The following R3HDM1 variants were observed in gnomAD, a reference collection of about 807,000 sequenced individuals.
R3HDM1 encodes R3H domain-containing protein 1.
Under a neutral mutation model 141.1 loss-of-function variants are expected in R3HDM1, and 46 were observed. That is an observed-to-expected ratio of 0.33 (90% CI 0.26 to 0.42). The LOEUF (loss-of-function observed/expected upper bound fraction) is 0.42, where lower values mean the gene tolerates loss of function less well. R3HDM1 is among the 10% of genes least tolerant of loss of function. The pLI, the probability that R3HDM1 is intolerant of heterozygous loss-of-function variation, is 1.00. For synonymous variants in R3HDM1, 435 were observed against 472.9 expected, an observed-to-expected ratio of 0.92 and a Z score of 1.04; for missense variants, 1,184 against 1,368.3, an observed-to-expected ratio of 0.87 and a Z score of 2.12.
intron 1 of R3HDM1, chr2:135,584,310 A>G: frequency 1.2e-6 from 1 of 820,432 alleles, no homozygotes; most frequent in Non-Finnish European, 1.5e-6. Flanking sequence ...CCTGGGTGAC[A>G]GAACGAGATT....
rs147602127 is a variant in R3HDM1, at chr2:135,620,378, A to G, written c.304-1116A>G. 1.9e-3 allele frequency: 1,571 copies of G among 841,756 alleles called. 3 individuals are homozygous for G. Among genetic ancestry groups the G allele is most frequent in the Non-Finnish European group, 1.8e-3 (1,280 of 699,196 alleles). 52.1% of individuals were successfully genotyped at this position (841,756 alleles called of 1,614,324 possible). A position where few individuals can be genotyped will look rare whatever the true frequency, so the allele number is the denominator to read the frequency against. On this transcript the variant is annotated intron_variant, in intron 5 of 26. Coordinates refer to ENST00000683871, the MANE Select transcript of R3HDM1 (RefSeq NM_001378107.1). ...GGGTTGGAAAATGAATCACAATAAG[A>G]AAAATTACTTACTGGTTGATGAGTG...
chr2:135,558,314 C>T (rs1701156737), intron 1 of R3HDM1, among the ~76,000 whole-genome samples: 1 of 152,144 alleles, frequency 6.6e-6, no homozygotes, highest in Non-Finnish European at 1.5e-5. Flanking sequence ...TAGTACTGAA[C>T]AGCTGTATGT....
At chr2:135,722,438 C>T (rs765553093) in intron 25 of R3HDM1, 31 bp from the exon 26 acceptor site, 24 of 1,606,176 alleles carry the variant, frequency 1.5e-5, no homozygotes, top group African/African-American at 6.7e-5. Context: ...GCATTATTAA[C>T]GTTGTTTCTC....
In R3HDM1 at chr2:135,620,620, G is replaced by C. The variant is rs1200059728; in HGVS notation, c.304-874G>C. ...TACGTGTCTGATTGATGGTTTTCTT[G>C]ACTATAGAACAACAGTATAATTTAG... is the stretch of plus-strand genomic sequence containing the variant. On this transcript the variant is annotated intron_variant, in intron 5 of 26. Coordinates refer to ENST00000683871, the MANE Select transcript of R3HDM1 (RefSeq NM_001378107.1). 4.1e-6 allele frequency: 4 copies of C among 980,244 alleles called. No individual in the cohort carries two copies. In the African/African-American group the frequency reaches 7.0e-5, roughly 17 times the overall value. 60.7% of individuals were successfully genotyped at this position (980,244 alleles called of 1,614,324 possible). A position where few individuals can be genotyped will look rare whatever the true frequency, so the allele number is the denominator to read the frequency against.
At chr2:135,573,781 TC>T (rs1407907690) in intron 1 of R3HDM1, among the ~76,000 whole-genome samples, 2 of 151,844 alleles carry the variant, frequency 1.3e-5, no homozygotes, top group Non-Finnish European at 1.5e-5. Flanking sequence ...AGCCAACTGT[TC>T]CCCCCACAAC....
At position 135,661,538 on chromosome 2, in the gene R3HDM1, A is replaced by G. The variant is rs558659773; in HGVS notation, c.2152+145A>G. ...ATGAGTTTGCAAACCAATGAGATTA[A>G]AAGAGTGAGCAAATCTTAGCATCCT... On this transcript the variant is annotated intron_variant, in intron 19 of 26. Coordinates refer to ENST00000683871, the MANE Select transcript of R3HDM1 (RefSeq NM_001378107.1). 8.8e-5 allele frequency: 92 copies of G among 1,050,494 alleles called. No individual in the cohort carries two copies. In the East Asian group the frequency reaches 2.1e-3, roughly 24 times the overall value. 65.1% of individuals were successfully genotyped at this position (1,050,494 alleles called of 1,614,324 possible).
At chr2:135,643,689 T>C (rs1574633003) in intron 15 of R3HDM1, among the ~76,000 whole-genome samples, 1 of 152,168 alleles carries the variant, frequency 6.6e-6, no homozygotes, top group African/African-American at 2.4e-5. Context: ...AATTCCACAA[T>C]AGCAAAGACA....
chr2:135,680,096 A>G (rs2105353196), intron 20 of R3HDM1, 77 bp from the exon 21 acceptor site: 1 of 1,411,732 alleles, frequency 7.1e-7, no homozygotes, highest in East Asian at 2.3e-5. Flanking sequence ...AATAAAGTTT[A>G]TGGAGGTTGA....
intron 1 of R3HDM1, among the ~76,000 whole-genome samples, chr2:135,597,962 T>TAAGTG (rs1234990207): frequency 6.6e-6 from 1 of 152,202 alleles, no homozygotes; most frequent in Non-Finnish European, 1.5e-5. Flanking sequence ...CCAAGTATAA[T>TAAGTG]AAGTGATATT....
intron 5 of R3HDM1, among the ~76,000 whole-genome samples, chr2:135,621,276 T>C (rs2061490201): frequency 6.6e-6 from 1 of 152,066 alleles, no homozygotes; most frequent in Admixed American, 6.5e-5. Context: ...TTGTTTTAAT[T>C]GATATATTCA....
intron 1 of R3HDM1, among the ~76,000 whole-genome samples, chr2:135,538,922 TTTGTTG>T (rs142600652): frequency 1.4e-4 from 22 of 151,744 alleles, no homozygotes; most frequent in African/African-American, 4.4e-4. Context: ...CTTAAAAGTT[TTTGTTG>T]TTGTTGTTGT....
Position 135,724,024 on chromosome 2 carries a change from T to C in R3HDM1, c.3137T>C (p.Ile1046Thr), listed in dbSNP as rs2076963284. 1.2e-6 allele frequency: 2 copies of C among 1,613,910 alleles called. No individual in the cohort carries two copies. The highest frequency in any genetic ancestry group is 1.7e-6 in the Non-Finnish European group (2 of 1,180,028). Residue 1046 changes from isoleucine to threonine, a missense_variant, in exon 27 of 27, where the codon ATT becomes ACT. By Grantham distance (89) the Ile-to-Thr change is moderately conservative. Around this residue, in one of 5 missense-constraint regions of R3HDM1, gnomAD observed 182 missense variants for 252.6 expected, o/e 0.72. Transcript: ENST00000683871. ...AEKLFGELFKIGAKIRWLRDP... is the reference protein window; with the variant it reads ...AEKLFGELFKTGAKIRWLRDP... ...AAGCTTTTTGGGGAACTCTTTAAAATTGGCGCCAAGATCCGGTGGCTCCGG... is the reference window on the plus strand; with the variant it reads ...AAGCTTTTTGGGGAACTCTTTAAAACTGGCGCCAAGATCCGGTGGCTCCGG...
intron 1 of R3HDM1, among the ~76,000 whole-genome samples, chr2:135,555,685 G>A (rs1186446793): frequency 1.3e-5 from 2 of 152,158 alleles, no homozygotes; most frequent in Non-Finnish European, 2.9e-5. Flanking sequence ...CTGATGAATG[G>A]ATAAGCAAAA....
At chr2:135,580,651 C>T (rs1008714191) in intron 1 of R3HDM1, among the ~76,000 whole-genome samples, 3 of 152,118 alleles carry the variant, frequency 2.0e-5, no homozygotes, top group African/African-American at 7.2e-5. Context: ...AGGAAAAGTC[C>T]CAGCTCTTAA....
chr2:135,659,049 C>CTGTGTGTGTGTGTGTG lies in R3HDM1; in HGVS notation c.2029-2197_2029-2182dup, dbSNP rs548436817. 2.3e-3 allele frequency among the ~76,000 whole-genome samples: 285 copies of CTGTGTGTGTGTGTGTG among 126,478 alleles called. 3 individuals carry two copies. Among genetic ancestry groups the CTGTGTGTGTGTGTGTG allele is most frequent in the South Asian group, 8.9e-3 (31 of 3,482 alleles). The allele number at this position is 126,478 out of a possible 152,430, so 83.0% of individuals were successfully genotyped here. A position where few individuals can be genotyped will look rare whatever the true frequency, so the allele number is the denominator to read the frequency against. On this transcript the variant is annotated intron_variant, in intron 18 of 26. Coordinates refer to ENST00000683871, the MANE Select transcript of R3HDM1 (RefSeq NM_001378107.1). Reference sequence around the variant, plus strand: ...TACCTCCTGAAAGACCTACCTGAGTCTGTGTGTGTGTGTGTGTGTGTGTGT... The same window carrying CTGTGTGTGTGTGTGTG: ...TACCTCCTGAAAGACCTACCTGAGTCTGTGTGTGTGTGTGTGTGTGTGTGTGTGTGTGTGTGTGTGT...
At chr2:135,599,519 A>G (rs2059452238) in intron 1 of R3HDM1, among the ~76,000 whole-genome samples, 1 of 152,186 alleles carries the variant, frequency 6.6e-6, no homozygotes, top group Non-Finnish European at 1.5e-5. Flanking sequence ...AGTACATTTA[A>G]TGGACTTCTA....
intron 19 of R3HDM1, among the ~76,000 whole-genome samples, chr2:135,662,971 A>G (rs1388114801): frequency 6.6e-6 from 1 of 152,108 alleles, no homozygotes; most frequent in African/African-American, 2.4e-5. Context: ...AGTACACTCT[A>G]TTAATAAGGC....
intron 1 of R3HDM1, among the ~76,000 whole-genome samples, chr2:135,554,421 T>C (rs1290910316): frequency 1.3e-5 from 2 of 152,222 alleles, no homozygotes; most frequent in African/African-American, 4.8e-5. Context: ...TTGGTGGATA[T>C]TTGGGTTGTT....
intron 21 of R3HDM1, among the ~76,000 whole-genome samples, chr2:135,693,680 C>T (rs774894738): frequency 6.6e-6 from 1 of 152,132 alleles, no homozygotes; most frequent in South Asian, 2.1e-4. Flanking sequence ...GATGTAACTA[C>T]TTTGAAAACT....
Sources: allele counts gnomAD v4.1 joint callset (sites outside exome capture counted in the v4.1 genomes callset), GRCh38; gene constraint gnomAD v4.1.1; regional missense constraint gnomAD v4.1.1; transcripts MANE v1.5; gene names NCBI Gene and HGNC (gene_info 2026-07-23, HGNC 2026-07-21).